Variants in RAD51B observed in about 807,000 individuals in gnomAD.
RAD51B encodes RAD51 paralog B.
A neutral mutation model predicts 42.2 loss-of-function variants in RAD51B; 38 were observed. The observed-to-expected ratio is 0.90, with a 90% CI of 0.70 to 1.18. The LOEUF (loss-of-function observed/expected upper bound fraction) is 1.18, where lower values mean the gene tolerates loss of function less well. RAD51B is among the 50% of genes most tolerant of loss of function. The probability of loss-of-function intolerance (pLI) is 0.00; values close to 1 mark genes in which losing one functional copy is unlikely to be tolerated. For synonymous variants in RAD51B, 154 were observed against 145.2 expected (o/e 1.06, Z -0.43); for missense variants, 373 against 400.7 (o/e 0.93, Z 0.59).
At position 68,622,559 on chromosome 14, in the gene RAD51B, C is replaced by G. The variant is rs926011123; in HGVS notation, c.1037-28222C>G. Among the ~76,000 whole-genome samples, 3 of 152,156 alleles carry G rather than the reference C, an allele frequency of 2.0e-5. 1 individual carries two copies. Among genetic ancestry groups the G allele is most frequent in the Middle Eastern group, 3.4e-3 (1 of 294 alleles). On this transcript the variant is annotated intron_variant, in intron 10 of 11. Transcript: ENST00000488612. ...AAGGCAAGAGTGCATTTCTGTCACT[C>G]ACTTCCTCACCCCCAGAGCCTAACA...
intron 7 of RAD51B, among the ~76,000 whole-genome samples, chr14:68,212,291 A>G (rs1326102789): frequency 6.6e-6 from 1 of 152,230 alleles, no homozygotes; most frequent in Admixed American, 6.5e-5. Context: ...AGCCACTTAC[A>G]TGCTGTATGA....
At chr14:68,539,216 A>T (rs1218547425) in intron 10 of RAD51B, among the ~76,000 whole-genome samples, 1 of 152,154 alleles carries the variant, frequency 6.6e-6, no homozygotes, top group Non-Finnish European at 1.5e-5. Flanking sequence ...ACCCAGTGCA[A>T]TGGATTTTCT....
chr14:68,608,292 C>A (rs1276797387), intron 10 of RAD51B, among the ~76,000 whole-genome samples: 1 of 152,198 alleles, frequency 6.6e-6, no homozygotes, highest in South Asian at 2.1e-4. Flanking sequence ...GAACAAATTG[C>A]GAGTGGGGCG....
intron 4 of RAD51B, among the ~76,000 whole-genome samples, chr14:67,849,321 G>T (rs2041725642): frequency 6.6e-6 from 1 of 150,466 alleles, no homozygotes; most frequent in Non-Finnish European, 1.5e-5. Flanking sequence ...TGCTCTTGTT[G>T]CCCCAGCTGG....
At chr14:68,633,303 G>A (rs182442130) in intron 10 of RAD51B, among the ~76,000 whole-genome samples, 5 of 152,126 alleles carry the variant, frequency 3.3e-5, no homozygotes, top group Middle Eastern at 3.4e-3. Context: ...AGCTGTGATC[G>A]GGACATGTCT....
At chr14:67,825,412 A>T in intron 2 of RAD51B, 52 bp from the exon 3 acceptor site, 2 of 1,289,734 alleles carry the variant, frequency 1.6e-6, no homozygotes, top group Non-Finnish European at 2.2e-6. Context: ...TTTTAACTCT[A>T]GTATCTTTGT....
At chr14:68,249,245 G>A (rs949186146) in intron 7 of RAD51B, among the ~76,000 whole-genome samples, 1 of 152,214 alleles carries the variant, frequency 6.6e-6, no homozygotes, top group Non-Finnish European at 1.5e-5. Context: ...AGCAGAGCAA[G>A]TTCTGTCTTT....
At chr14:68,655,313 G>T (rs896678992) in intron 11 of RAD51B, among the ~76,000 whole-genome samples, 2 of 152,070 alleles carry the variant, frequency 1.3e-5, no homozygotes, top group African/African-American at 2.4e-5. Flanking sequence ...GTTCACAGCT[G>T]CTCAGGGTTA....
intron 10 of RAD51B, chr14:68,563,285 G>A (rs1253280331): frequency 4.4e-5 from 43 of 985,276 alleles, no homozygotes; most frequent in South Asian, 1.4e-4. Context: ...GGGCCAAGCC[G>A]AGCCTGCAAT....
chr14:68,263,894 A>G (rs1290328083), intron 7 of RAD51B, among the ~76,000 whole-genome samples: 1 of 152,264 alleles, frequency 6.6e-6, no homozygotes, highest in Non-Finnish European at 1.5e-5. Context: ...GGATGCCAAA[A>G]AGCAGTATGC....
intron 7 of RAD51B, among the ~76,000 whole-genome samples, chr14:67,995,015 A>C (rs1438520013): frequency 6.6e-6 from 1 of 152,218 alleles, no homozygotes; most frequent in Non-Finnish European, 1.5e-5. Context: ...AGTCACAAAA[A>C]GACTAATAAT....
intron 7 of RAD51B, among the ~76,000 whole-genome samples, chr14:68,168,545 A>C (rs750693318): frequency 6.6e-6 from 1 of 152,156 alleles, no homozygotes; most frequent in Non-Finnish European, 1.5e-5. Flanking sequence ...TTGAAAATCT[A>C]ATCATATCAT....
intron 8 of RAD51B, chr14:68,339,130 G>A (rs1373816876): frequency 1.4e-6 from 1 of 703,828 alleles, no homozygotes; most frequent in Non-Finnish European, 2.6e-6. Context: ...CGAAGGACAG[G>A]TGGTCTCTTA....
intron 10 of RAD51B, among the ~76,000 whole-genome samples, chr14:68,513,567 G>A (rs1885912738): frequency 1.3e-5 from 2 of 152,126 alleles, no homozygotes; most frequent in South Asian, 2.1e-4. Flanking sequence ...CCCACCTTTG[G>A]GGTCTGGCTT....
intron 9 of RAD51B, among the ~76,000 whole-genome samples, chr14:68,421,193 T>A (rs906826451): frequency 6.6e-6 from 1 of 152,174 alleles, no homozygotes; most frequent in Non-Finnish European, 1.5e-5. Context: ...GATTCTGAAG[T>A]GCCCCTTCCT....
At chr14:68,353,748 A>G (rs2082837805) in intron 8 of RAD51B, among the ~76,000 whole-genome samples, 1 of 152,232 alleles carries the variant, frequency 6.6e-6, no homozygotes. Flanking sequence ...GCAGGGGGAA[A>G]GGAGGACAGA....
chr14:67,940,576 T>C (rs1212343275), intron 7 of RAD51B, among the ~76,000 whole-genome samples: 1 of 152,176 alleles, frequency 6.6e-6, no homozygotes, highest in South Asian at 2.1e-4. Context: ...CCCATAAGGT[T>C]CCATGTACTC....
At chr14:68,396,842 G>T (rs928692118) in intron 8 of RAD51B, among the ~76,000 whole-genome samples, 1 of 152,118 alleles carries the variant, frequency 6.6e-6, no homozygotes, top group African/African-American at 2.4e-5. Context: ...GCGGGGAGGG[G>T]GTAGTTTCCA....
rs1224695726 is a variant in RAD51B at position 68,062,109 on chromosome 14, G to T, written c.756+174905G>T. Among the ~76,000 whole-genome samples, 4 of 152,094 alleles carry T rather than the reference G, an allele frequency of 2.6e-5. No individual in the cohort carries two copies. In the East Asian group the frequency reaches 5.8e-4, roughly 22 times the overall value. ...TTCATTGACAGTTTTTACTATAAAG[G>T]GATGTTGAATTTTATCAAATGCTTT... On this transcript the variant is annotated intron_variant, in intron 7 of 10. Transcript: ENST00000471583.
Sources: allele counts gnomAD v4.1 joint callset (sites outside exome capture counted in the v4.1 genomes callset), GRCh38; gene constraint gnomAD v4.1.1; transcripts MANE v1.5; gene names NCBI Gene and HGNC (gene_info 2026-07-23, HGNC 2026-07-21).